Variants in WDR18 observed in about 807,000 individuals in gnomAD.
WDR18 encodes WD repeat domain 18.
WDR18 carries 33 observed loss-of-function variants against 49.6 expected under a neutral mutation model. The observed-to-expected ratio is 0.67, with a 90% CI of 0.50 to 0.89. WDR18 has a LOEUF of 0.89. WDR18 is among the 40% of genes least tolerant of loss of function. The pLI is 0.00. For synonymous variants in WDR18, 315 were observed against 263.6 expected (o/e 1.19, Z -1.89); for missense variants, 653 against 593.6 (o/e 1.10, Z -1.04).
chr19:991,995 C>A lies in WDR18; in HGVS notation c.972C>A (p.Ser324Arg). Residue 324 changes from serine to arginine, a missense_variant, in exon 8 of 10, where the codon AGC (serine) becomes AGA (arginine). Ser to Arg is a moderately radical substitution (Grantham distance 110). Coordinates refer to ENST00000585809, the MANE Select transcript of WDR18 (RefSeq NM_024100.4). ...CCGCCATCCTGCTGGCGCCCGTCAG[C>A]ATGCTGAGCTCAGACTTCAGGCCCA... ...TNAAILLAPV[S>R]MLSSDFRPSL... 1 of 1,597,918 alleles carries A rather than the reference C, an allele frequency of 6.3e-7. No homozygotes were observed. The highest frequency in any genetic ancestry group is 8.5e-7 in the Non-Finnish European group (1 of 1,176,174).
chr19:990,277 C>CCA lies in WDR18; in HGVS notation c.512_513dup (p.Ala172ThrfsTer28). The CCA allele has an allele frequency of 1.3e-6, 2 of 1,599,658 alleles. No homozygotes were observed. Among genetic ancestry groups the CCA allele is most frequent in the Non-Finnish European group, 1.7e-6 (2 of 1,179,308 alleles). On this transcript the variant is annotated frameshift_variant, in exon 4 of 10. Transcript: ENST00000585809. LOFTEE classifies it high-confidence loss of function. ...CGGCGCCCAGGCACGTCTGGTCTCA[C>CCA]CACGCGCTCCCCATCACGGACCTGC... is the stretch of plus-strand genomic sequence containing the variant.
At chr19:985,095 G>A (rs2145501331) in intron 1 of WDR18, among the ~76,000 whole-genome samples, 1 of 152,316 alleles carries the variant, frequency 6.6e-6, no homozygotes, top group East Asian at 1.9e-4. Flanking sequence ...TGTGCCCGCT[G>A]AGATCTCTTG....
At chr19:986,036 T>G (rs2038471320) in intron 2 of WDR18, 61 bp downstream of exon 2, 1 of 1,526,474 alleles carries the variant, frequency 6.6e-7, no homozygotes, top group African/African-American at 1.4e-5. Flanking sequence ...GAGCTTTGCC[T>G]GCAGGGCACC....
Position 991,006 on chromosome 19 carries a change from C to A in WDR18, c.741+11C>A. 2 of 1,604,064 alleles carry A rather than the reference C, an allele frequency of 1.2e-6. No homozygotes were observed. ...GACCTCTTCACCTGGGTGAGTGCCG[C>A]GGTCTGCGGGCTGCACCCTGCCCTG... is the stretch of plus-strand genomic sequence containing the variant. On this transcript the variant is annotated intron_variant, in intron 5 of 9. Coordinates refer to ENST00000585809, the MANE Select transcript of WDR18 (RefSeq NM_024100.4).
In WDR18 at chr19:991,952, C is replaced by T. The variant is rs764263701; in HGVS notation, c.932-3C>T. The T allele has an allele frequency of 6.3e-6, 10 of 1,581,662 alleles. No individual in the cohort carries two copies. The South Asian group carries it at 1.0e-4, about 16-fold the overall frequency. ...GGCGGGGCCTGACCTCCGCGCCCCC[C>T]AGGCCCAGTCACCAATGCCGCCATC... On this transcript the variant is annotated splice_region_variant and splice_polypyrimidine_tract_variant and intron_variant, in intron 7 of 9. Coordinates refer to ENST00000585809, the MANE Select transcript of WDR18 (RefSeq NM_024100.4).
chr19:993,465 A>G (rs913246212), intron 8 of WDR18, among the ~76,000 whole-genome samples: 42 of 152,288 alleles, frequency 2.8e-4, no homozygotes, highest in South Asian at 1.0e-3. Context: ...CCCTTGTTCC[A>G]ATCCAGCTGA....
At position 990,856 on chromosome 19, in the gene WDR18, G is replaced by T; in HGVS notation, c.602G>T (p.Trp201Leu). Residue 201 changes from tryptophan to leucine, a missense_variant, in exon 5 of 10, where the codon TGG becomes TTG. Trp to Leu is a moderately conservative substitution (Grantham distance 61). Coordinates refer to ENST00000585809, the MANE Select transcript of WDR18 (RefSeq NM_024100.4). ...TSSLDQTVKL[W>L]EVSSGELLLS... ...ACGCCCTTTGCCCACCCGCAGCTAT[G>T]GGAGGTCTCCTCGGGGGAGCTGCTG... 6.2e-7 allele frequency: 1 copy of T among 1,605,662 alleles called. No individual in the cohort carries two copies. Among genetic ancestry groups the T allele is most frequent in the South Asian group, 1.1e-5 (1 of 90,068 alleles).
chr19:989,328 TGCCACCACCCTGGGTCAG>T (rs1191304966), intron 2 of WDR18, among the ~76,000 whole-genome samples: 10 of 151,822 alleles, frequency 6.6e-5, no homozygotes, highest in Admixed American at 3.9e-4. Context: ...GAGCTTAAGC[TGCCACCACCCTGGGTCAG>T]GCCACCACAG....
upstream of WDR18, chr19:984,176 T>G: frequency 1.5e-6 from 1 of 673,120 alleles, no homozygotes; most frequent in Non-Finnish European, 2.3e-6. Flanking sequence ...CGCGCGACCC[T>G]CGAGTCTCAG....
chr19:994,063 C>T lies in WDR18; in HGVS notation c.1142C>T (p.Ala381Val). The stretch of plus-strand genomic sequence containing the variant: ...CTGGACCGCACGGAGCAGCTGCAGG[C>T]CGTCCTGTGCAGCACCATGGAGAAG... ...SYLDRTEQLQ[A>V]VLCSTMEKSV... Residue 381 changes from alanine (A) to valine (V), a missense_variant, in exon 9 of 10, where the codon GCC (alanine) becomes GTC (valine). Coordinates refer to ENST00000585809, the MANE Select transcript of WDR18 (RefSeq NM_024100.4). The T allele has an allele frequency of 6.4e-7, 1 of 1,560,450 alleles. No individual in the cohort carries two copies. The highest frequency in any genetic ancestry group is 8.7e-7 in the Non-Finnish European group (1 of 1,153,730).
Position 990,861 on chromosome 19 carries a change from G to GTC in WDR18, c.610_611dup (p.Ser205ProfsTer18), listed in dbSNP as rs747074815. 1.9e-6 allele frequency: 3 copies of GTC among 1,606,710 alleles called. No individual in the cohort carries two copies. The highest frequency in any genetic ancestry group is 2.6e-6 in the Non-Finnish European group (3 of 1,176,412). On this transcript the variant is annotated frameshift_variant, in exon 5 of 10. Transcript: ENST00000585809. LOFTEE classifies it high-confidence loss of function. ...CTTTGCCCACCCGCAGCTATGGGAG[G>GTC]TCTCCTCGGGGGAGCTGCTGCTCTC... is the stretch of plus-strand genomic sequence containing the variant.
At chr19:990,004 A>C in intron 3 of WDR18, 109 bp downstream of exon 3, 1 of 1,484,692 alleles carries the variant, frequency 6.7e-7, no homozygotes, top group East Asian at 2.3e-5. Context: ...TGGGGGCTGG[A>C]GTGCAGAGGA....
intron 1 of WDR18, 65 bp from the exon 2 acceptor site, chr19:985,800 C>T (rs1260453055): frequency 1.3e-6 from 2 of 1,515,388 alleles, no homozygotes; most frequent in Non-Finnish European, 1.8e-6. Context: ...CTCCCCTCGC[C>T]CTCCACTGCT....
chr19:984,201 C>A, upstream of WDR18: 1 of 828,080 alleles, frequency 1.2e-6, no homozygotes, highest in Non-Finnish European at 1.7e-6. Context: ...GCGGGAAATC[C>A]CACTTCACAA....
At position 989,829 on chromosome 19, in the gene WDR18, CAG is replaced by C. The variant is rs1183058028; in HGVS notation, c.390_391del (p.Asp132GlnfsTer83). The C allele has an allele frequency of 3.7e-6, 6 of 1,612,612 alleles. No individual in the cohort carries two copies. The African/African-American group carries it at 6.7e-5, about 18-fold the overall frequency. On this transcript the variant is annotated frameshift_variant, in exon 3 of 10. Coordinates refer to ENST00000585809, the MANE Select transcript of WDR18 (RefSeq NM_024100.4). LOFTEE classifies it high-confidence loss of function. ...CAGGACGTCTCCTGCCTTCAGTTCA[CAG>C]GGGACAGCAGCCACTTCATCTCAGG...
At chr19:985,298 T>C (rs1361680278) in intron 1 of WDR18, among the ~76,000 whole-genome samples, 1 of 152,170 alleles carries the variant, frequency 6.6e-6, no homozygotes, top group Non-Finnish European at 1.5e-5. Flanking sequence ...CCTGAGTAGC[T>C]GCAACTACAG....
upstream of WDR18, among the ~76,000 whole-genome samples, chr19:982,939 G>A (rs1181784715): frequency 6.6e-6 from 1 of 152,124 alleles, no homozygotes; most frequent in Non-Finnish European, 1.5e-5. Context: ...TCCTGCCCCG[G>A]CCGTGCCCTC....
intron 4 of WDR18, 52 bp downstream of exon 4, chr19:990,416 G>A (rs2038529902): frequency 1.4e-6 from 2 of 1,469,896 alleles, no homozygotes; most frequent in Non-Finnish European, 1.8e-6. Context: ...AGCAGCCGCA[G>A]GTCCTCAGCC....
Position 991,359 on chromosome 19 carries a change from C to T in WDR18, c.931+8C>T. The T allele has an allele frequency of 1.3e-6, 2 of 1,544,306 alleles. No individual in the cohort carries two copies. The highest frequency in any genetic ancestry group is 1.7e-6 in the Non-Finnish European group (2 of 1,144,466). On this transcript the variant is annotated splice_region_variant and intron_variant, in intron 7 of 9. Coordinates refer to ENST00000585809, the MANE Select transcript of WDR18 (RefSeq NM_024100.4). ...GGACGGTGGCCCTCAAAGGTGGGCG[C>T]GCCTCTGCTCGGCCCGCGGCCAGCG...
Sources: allele counts gnomAD v4.1 joint callset (sites outside exome capture counted in the v4.1 genomes callset), GRCh38; gene constraint gnomAD v4.1.1; transcripts MANE v1.5; gene names NCBI Gene and HGNC (gene_info 2026-07-23, HGNC 2026-07-21).